Variants in CACNA2D1 observed in about 807,000 individuals in gnomAD.
The protein encoded by CACNA2D1 is calcium voltage-gated channel auxiliary subunit alpha2delta 1.
A neutral mutation model predicts 171.5 loss-of-function variants in CACNA2D1; 53 were observed. That is an observed-to-expected ratio of 0.31 (90% CI 0.25 to 0.39). CACNA2D1 has a LOEUF of 0.39. Among genes scored for constraint, CACNA2D1 ranks in the 10% least tolerant of loss-of-function variants. The pLI is 1.00. For synonymous variants in CACNA2D1, 442 were observed against 443.1 expected, an observed-to-expected ratio of 1.00 and a Z score of 0.03; for missense variants, 903 against 1,299.8, an observed-to-expected ratio of 0.69 and a Z score of 4.69.
chr7:82,363,243 T>C (rs750396116), intron 1 of CACNA2D1, among the ~76,000 whole-genome samples: 22 of 149,548 alleles, frequency 1.5e-4, no homozygotes, highest in Non-Finnish European at 2.8e-4. Context: ...CATAGTTTTA[T>C]TTATTTGTCT....
At position 82,421,263 on chromosome 7, in the gene CACNA2D1, C is replaced by T. The variant is rs146405519; in HGVS notation, c.95+22102G>A. On this transcript the variant is annotated intron_variant, in intron 1 of 38. Coordinates refer to ENST00000356860, the MANE Select transcript of CACNA2D1 (RefSeq NM_000722.4). ...TTATGCCAAGACATTGGTAAGCAAA[C>T]TTTCAGAAGCAGATATCCCAGAAGC... Among the ~76,000 whole-genome samples, 1,044 of 152,298 alleles carry T rather than the reference C, an allele frequency of 6.9e-3. 9 individuals carry two copies. The highest frequency in any genetic ancestry group is 0.024 in the Middle Eastern group (7 of 294).
At chr7:82,171,129 C>A (rs541463456) in intron 3 of CACNA2D1, among the ~76,000 whole-genome samples, 1 of 152,026 alleles carries the variant, frequency 6.6e-6, no homozygotes, top group African/African-American at 2.4e-5. Flanking sequence ...GTTCTTTCAG[C>A]GATAATCTTT....
At chr7:82,172,376 C>G (rs1241744501) in intron 3 of CACNA2D1, among the ~76,000 whole-genome samples, 1 of 151,948 alleles carries the variant, frequency 6.6e-6, no homozygotes, top group South Asian at 2.1e-4. Context: ...ATGGAAGCAA[C>G]TCTTCTATAG....
At chr7:82,259,181 A>G (rs907536021) in intron 3 of CACNA2D1, among the ~76,000 whole-genome samples, 2 of 151,426 alleles carry the variant, frequency 1.3e-5, no homozygotes, top group African/African-American at 4.9e-5. Flanking sequence ...CTGAATAAAC[A>G]ATGAGATAGA....
chr7:81,955,033 TAATA>T (rs1374414992), intron 38 of CACNA2D1, among the ~76,000 whole-genome samples: 2 of 152,172 alleles, frequency 1.3e-5, no homozygotes, highest in Non-Finnish European at 2.9e-5. Flanking sequence ...TTGCATAAAA[TAATA>T]AATTTCTCAA....
At chr7:82,278,374 T>C (rs1809627689) in intron 3 of CACNA2D1, among the ~76,000 whole-genome samples, 1 of 151,322 alleles carries the variant, frequency 6.6e-6, no homozygotes, top group South Asian at 2.1e-4. Context: ...AGGTCGGGAG[T>C]TGGAGACCAG....
chr7:82,132,948 T>G (rs1314976381), intron 5 of CACNA2D1, among the ~76,000 whole-genome samples: 1 of 152,140 alleles, frequency 6.6e-6, no homozygotes, highest in Non-Finnish European at 1.5e-5. Flanking sequence ...TCAGAAAAAT[T>G]CACATGAAAT....
At chr7:82,426,453 G>C (rs1403974017) in intron 1 of CACNA2D1, among the ~76,000 whole-genome samples, 1 of 151,776 alleles carries the variant, frequency 6.6e-6, no homozygotes, top group African/African-American at 2.4e-5. Context: ...TGAAAAATTA[G>C]AATTGATACT....
At chr7:82,327,799 G>C (rs12668355) in intron 3 of CACNA2D1, among the ~76,000 whole-genome samples, 23,799 of 152,092 alleles carry the variant, frequency 0.16, 2,021 homozygotes, top group South Asian at 0.28. Context: ...TACTCTCTGG[G>C]GCTGATCGAT....
Position 82,287,997 on chromosome 7 carries a change from A to ATTTTTTT in CACNA2D1, c.294+47131_294+47137dup, listed in dbSNP as rs5885283. On this transcript the variant is annotated intron_variant, in intron 3 of 38. Transcript: ENST00000356860. ...AGGAGCCCACCACCATGCCCGGCTA[A>ATTTTTTT]TTTTTTTTTTTTTTTTGTATTTTTA... is the stretch of plus-strand genomic sequence containing the variant. Among the ~76,000 whole-genome samples the ATTTTTTT allele has an allele frequency of 2.3e-3, 322 of 138,866 alleles. 2 individuals carry two copies. The highest frequency in any genetic ancestry group is 8.2e-3 in the African/African-American group (291 of 35,534). The allele number at this position is 138,866 out of a possible 152,430, so 91.1% of individuals were successfully genotyped here. A position where few individuals can be genotyped will look rare whatever the true frequency, so the allele number is the denominator to read the frequency against.
At chr7:82,124,198 G>A (rs928684588) in intron 5 of CACNA2D1, among the ~76,000 whole-genome samples, 3 of 152,020 alleles carry the variant, frequency 2.0e-5, no homozygotes, top group Non-Finnish European at 4.4e-5. Context: ...AGGAGAATAG[G>A]GTTTAGAGGC....
rs544430051 is a variant in CACNA2D1, at chr7:82,117,661, G to A, written c.397-488C>T. Among the ~76,000 whole-genome samples, 5 of 152,190 alleles carry A rather than the reference G, an allele frequency of 3.3e-5. No individual in the cohort carries two copies. In the East Asian group the frequency reaches 7.7e-4, roughly 24 times the overall value. Reference sequence around the variant, plus strand: ...AAATTAGCTGGACATGGCAGCACAGGCCTGTAGTCACAGGAGGCTTTAGGT... The same window carrying A: ...AAATTAGCTGGACATGGCAGCACAGACCTGTAGTCACAGGAGGCTTTAGGT... On this transcript the variant is annotated intron_variant, in intron 5 of 38. Transcript: ENST00000356860.
rs190782522 is a variant in CACNA2D1 at position 81,947,286 on chromosome 7, A to G, written c.*3106T>C. 122 of 151,958 alleles carry G rather than the reference A, an allele frequency of 8.0e-4. No individual in the cohort carries two copies. Among genetic ancestry groups the G allele is most frequent in the African/African-American group, 2.8e-3 (116 of 41,516 alleles). 9.4% of individuals were successfully genotyped at this position (151,958 alleles called of 1,614,324 possible). A position where few individuals can be genotyped will look rare whatever the true frequency, so the allele number is the denominator to read the frequency against. ...TCCAGTTTTAAAGTTAATAAAAGGA[A>G]TATTATAGGAAAACTTACAAATGGC... On this transcript the variant is annotated 3_prime_UTR_variant, in exon 39 of 39. Transcript: ENST00000356860.
chr7:82,080,826 T>C (rs560462151), intron 7 of CACNA2D1, among the ~76,000 whole-genome samples: 2 of 152,352 alleles, frequency 1.3e-5, no homozygotes, highest in African/African-American at 4.8e-5. Context: ...GTCAACTCAC[T>C]GTAAGCTTCA....
chr7:82,189,067 G>T lies in CACNA2D1; in HGVS notation c.295-18458C>A, dbSNP rs117990817. Among the ~76,000 whole-genome samples the T allele has an allele frequency of 1.9e-3, 294 of 152,056 alleles. 8 individuals are homozygous for T. In the East Asian group the frequency reaches 0.043, roughly 22 times the overall value. ...AAGATAGAAAAAGTACCTACTGGGT[G>T]CTATGCTTATTACTTGGGTGGCAAA... is the stretch of plus-strand genomic sequence containing the variant. On this transcript the variant is annotated intron_variant, in intron 3 of 38. Coordinates refer to ENST00000356860, the MANE Select transcript of CACNA2D1 (RefSeq NM_000722.4).
intron 1 of CACNA2D1, among the ~76,000 whole-genome samples, chr7:82,401,773 T>G (rs1826454720): frequency 6.6e-6 from 1 of 152,142 alleles, no homozygotes; most frequent in Non-Finnish European, 1.5e-5. Flanking sequence ...AAATGCTGAC[T>G]TCTAGAGACT....
At chr7:81,994,738 A>C (rs1264040986) in intron 20 of CACNA2D1, 130 bp downstream of exon 20, 1 of 601,484 alleles carries the variant, frequency 1.7e-6, no homozygotes, top group African/African-American at 1.9e-5. Context: ...TTTAAAAAGA[A>C]AAATTGTTTC....
intron 3 of CACNA2D1, among the ~76,000 whole-genome samples, chr7:82,222,383 C>T (rs888724712): frequency 2.6e-5 from 4 of 152,142 alleles, no homozygotes; most frequent in Non-Finnish European, 5.9e-5. Flanking sequence ...CCTGTAACTG[C>T]AGTCATATGG....
intron 1 of CACNA2D1, among the ~76,000 whole-genome samples, chr7:82,416,224 T>A (rs1229137312): frequency 4.0e-5 from 6 of 151,560 alleles, no homozygotes; most frequent in Non-Finnish European, 7.4e-5. Flanking sequence ...CAAAAAATAA[T>A]AATAATAATA....
Sources: gnomAD v4.1 joint callset for allele counts (sites outside exome capture counted in the v4.1 genomes callset) on GRCh38, gnomAD v4.1.1 for gene constraint, MANE v1.5 for transcripts, NCBI Gene and HGNC (gene_info 2026-07-23, HGNC 2026-07-21) for gene names.